CELSR1: variants seen among roughly 807,000 people sequenced by gnomAD.
The protein encoded by CELSR1 is adhesion G protein-coupled receptor C1.
A neutral mutation model predicts 249.1 loss-of-function variants in CELSR1; 110 were observed. The observed-to-expected ratio is 0.44, with a 90% confidence interval of 0.38 to 0.52. The LOEUF (loss-of-function observed/expected upper bound fraction) is 0.52. Among genes scored for constraint, CELSR1 ranks in the 20% least tolerant of loss-of-function variants. The probability of loss-of-function intolerance (pLI) is 0.00; values close to 1 mark genes in which losing one functional copy is unlikely to be tolerated. For missense variants in CELSR1, 4,109 were observed against 4,296.4 expected, an observed-to-expected ratio of 0.96 and a Z score of 1.22; for synonymous variants, 2,113 against 1,900.0, an observed-to-expected ratio of 1.11 and a Z score of -2.92.
At position 46,536,936 on chromosome 22, in the gene CELSR1, C is replaced by T; in HGVS notation, c.235G>A (p.Val79Ile). The change falls in exon 1 of 35, where the codon GTC (valine) becomes ATC (isoleucine). Residue 79 changes from valine to isoleucine, a missense_variant. By Grantham distance (29) the Val-to-Ile change is conservative. This residue lies in a region of CELSR1 where 673 missense variants were observed against 636.8 expected (regional missense o/e 1.06). Coordinates refer to ENST00000674500, the MANE Select transcript of CELSR1 (RefSeq NM_001378328.1). ...RDGRLAGRRR[V>I]SGAGRPLPLQ... ...GGCAGCGGGCGCCCCGCGCCCGAGA[C>T]GCGCCGACGTCCTGCCAGCCGCCCA... The T allele has an allele frequency of 8.6e-7, 1 of 1,163,498 alleles. No individual in the cohort carries two copies. The highest frequency in any genetic ancestry group is 1.1e-6 in the Non-Finnish European group (1 of 945,756). 72.1% of individuals were successfully genotyped at this position (1,163,498 alleles called of 1,614,324 possible). A position where few individuals can be genotyped will look rare whatever the true frequency, so the allele number is the denominator to read the frequency against.
intron 1 of CELSR1, among the ~76,000 whole-genome samples, chr22:46,487,661 T>TGCAGGTGGGAGGC (rs1569197626): frequency 8.0e-5 from 1 of 12,572 alleles, no homozygotes; most frequent in Non-Finnish European, 1.6e-4. Flanking sequence ...GAGTCCAGGG[T>TGCAGGTGGGAGGC]GCGGGGGAGG....
intron 17 of CELSR1, among the ~76,000 whole-genome samples, chr22:46,389,993 T>A (rs924744604): frequency 2.0e-4 from 31 of 152,012 alleles, no homozygotes; most frequent in African/African-American, 7.5e-4. Context: ...AAATGAGCAC[T>A]GCTGACAGCT....
At position 46,386,439 on chromosome 22, in the gene CELSR1, C is replaced by T. The variant is rs200019726; in HGVS notation, c.6702G>A (p.Thr2234=). ...TGACGATGACGAAGGGCCGCAGGTA[C>T]GTCCGCCGCACGTTGCGTGCCACGT... is the stretch of plus-strand genomic sequence containing the variant. ...FSNVARNVRR[T]YLRPFVIVTA... is the part of the protein sequence containing the mutation. The change falls in exon 19 of 35, where the codon ACG becomes ACA. Residue 2234 remains threonine, a synonymous_variant. Transcript: ENST00000674500. 3.7e-5 allele frequency: 59 copies of T among 1,594,994 alleles called. No individual in the cohort carries two copies. The highest frequency in any genetic ancestry group is 2.7e-4 in the East Asian group (12 of 44,130).
intron 5 of CELSR1, among the ~76,000 whole-genome samples, chr22:46,421,199 G>A (rs955585692): frequency 6.8e-6 from 1 of 147,684 alleles, no homozygotes; most frequent in Admixed American, 6.6e-5. Flanking sequence ...CCTCCCTGCC[G>A]AGGTGCTGGG....
Position 46,363,309 on chromosome 22 carries a change from G to A in CELSR1, c.9036-62C>T. On this transcript the variant is annotated intron_variant, in intron 34 of 34. Transcript: ENST00000674500. The surrounding 1 kb of genome is among the most constrained non-coding windows in gnomAD (Gnocchi z 4.3). The stretch of plus-strand genomic sequence containing the variant: ...TCAGTGAGGGTAGCGGCTTGGTGGG[G>A]CCCAAGGTTGTCACACGGGGGGGCA... 2.8e-6 allele frequency: 4 copies of A among 1,450,824 alleles called. No individual in the cohort carries two copies. The highest frequency in any genetic ancestry group is 3.8e-6 in the Non-Finnish European group (4 of 1,043,830). The allele number at this position is 1,450,824 out of a possible 1,614,324, so 89.9% of individuals were successfully genotyped here. A position where few individuals can be genotyped will look rare whatever the true frequency, so the allele number is the denominator to read the frequency against.
intron 14 of CELSR1, among the ~76,000 whole-genome samples, chr22:46,392,559 G>T (rs2079105230): frequency 6.7e-6 from 1 of 149,530 alleles, no homozygotes; most frequent in East Asian, 1.9e-4. Flanking sequence ...GTATAACTTT[G>T]TTTTTTTATT....
rs2078965606 is a variant in CELSR1 at position 46,380,474 on chromosome 22, G to GA, written c.7256+313_7256+314insT. 6.6e-6 allele frequency among the ~76,000 whole-genome samples: 1 copy of GA among 152,232 alleles called. No individual in the cohort carries two copies. The highest frequency in any genetic ancestry group is 2.4e-5 in the African/African-American group (1 of 41,466). On this transcript the variant is annotated intron_variant, in intron 22 of 34. Coordinates refer to ENST00000674500, the MANE Select transcript of CELSR1 (RefSeq NM_001378328.1). The surrounding 1 kb of genome is among the most constrained non-coding windows in gnomAD (Gnocchi z 5.1). ...ACTGGGCACTACACTAGTGTTGGCC[G>GA]CTGCATGTCGGGAGTCCCGCAGGTG...
At chr22:46,369,490 C>A (rs564918140) in intron 26 of CELSR1, among the ~76,000 whole-genome samples, 1 of 152,216 alleles carries the variant, frequency 6.6e-6, no homozygotes, top group Non-Finnish European at 1.5e-5. Context: ...TGGTCTCATG[C>A]GGACACGACG....
At chr22:46,499,088 G>A (rs2080442102) in intron 1 of CELSR1, among the ~76,000 whole-genome samples, 1 of 151,676 alleles carries the variant, frequency 6.6e-6, no homozygotes, top group African/African-American at 2.4e-5. Flanking sequence ...ACTGAGGCAG[G>A]AGAATTGCTT....
chr22:46,385,388 C>A (rs866181766), intron 19 of CELSR1, among the ~76,000 whole-genome samples: 4 of 152,236 alleles, frequency 2.6e-5, no homozygotes, highest in Admixed American at 6.5e-5. Context: ...AACTACCACG[C>A]CCAGCTGACT....
intron 2 of CELSR1, among the ~76,000 whole-genome samples, chr22:46,456,162 C>G (rs760513433): frequency 6.6e-6 from 1 of 152,258 alleles, no homozygotes; most frequent in Non-Finnish European, 1.5e-5. Flanking sequence ...ACTAGGAATA[C>G]TTGGAAGTGA....
In CELSR1 at chr22:46,399,702, C is replaced by A. The variant is rs373855382; in HGVS notation, c.5412+15G>T. The A allele has an allele frequency of 2.3e-5, 37 of 1,612,878 alleles. No homozygotes were observed. Among genetic ancestry groups the A allele is most frequent in the East Asian group, 2.2e-4 (10 of 44,876 alleles). On this transcript the variant is annotated intron_variant, in intron 10 of 34. Coordinates refer to ENST00000674500, the MANE Select transcript of CELSR1 (RefSeq NM_001378328.1). This position sits in a 1 kb window ranked among gnomAD's most constrained non-coding sequence, Gnocchi z 5.0. ...GAAGGGTCTATCCCCAGAGGAGGTG[C>A]AGGTGCCAGCTCACCTGGTCCATCC...
chr22:46,471,680 A>AGCCGCT lies in CELSR1; in HGVS notation c.3545-7341_3545-7336dup, dbSNP rs1156875114. 6.6e-6 allele frequency among the ~76,000 whole-genome samples: 1 copy of AGCCGCT among 152,140 alleles called. No individual in the cohort carries two copies. The highest frequency in any genetic ancestry group is 1.5e-5 in the Non-Finnish European group (1 of 68,034). ...CAAAGTGCTGGGATTCACGGGTGTG[A>AGCCGCT]GCCGCTGCCCCTGGCCTCAGCATTT... On this transcript the variant is annotated intron_variant, in intron 1 of 34. Coordinates refer to ENST00000674500, the MANE Select transcript of CELSR1 (RefSeq NM_001378328.1). This position sits in a 1 kb window ranked among gnomAD's most constrained non-coding sequence, Gnocchi z 4.9.
intron 1 of CELSR1, among the ~76,000 whole-genome samples, chr22:46,514,965 A>T (rs888836131): frequency 6.6e-6 from 1 of 152,062 alleles, no homozygotes; most frequent in Non-Finnish European, 1.5e-5. Flanking sequence ...TCCCCACAAA[A>T]GTGGCTCTGT....
chr22:46,505,047 G>A (rs965902843), intron 1 of CELSR1, among the ~76,000 whole-genome samples: 5 of 152,126 alleles, frequency 3.3e-5, no homozygotes. Context: ...CGGATCATGA[G>A]GTCAGGAGAT....
intron 2 of CELSR1, among the ~76,000 whole-genome samples, chr22:46,443,460 TC>T (rs1285746451): frequency 6.6e-6 from 1 of 152,112 alleles, no homozygotes; most frequent in Non-Finnish European, 1.5e-5. Context: ...TCATCCAGGC[TC>T]CCAGCACCCC....
rs2080852889 is a variant in CELSR1, at chr22:46,536,170, G to C, written c.1001C>G (p.Ser334Trp). 3 of 1,612,646 alleles carry C rather than the reference G, an allele frequency of 1.9e-6. No individual in the cohort carries two copies. Among genetic ancestry groups the C allele is most frequent in the African/African-American group, 2.7e-5 (2 of 74,936 alleles). Reference sequence around the variant, plus strand: ...CAAGACAGTGATGTAGGTGGTGGCCGAGCGCGGCGGCGTACTGTAGTCCAC... The same window carrying C: ...CAAGACAGTGATGTAGGTGGTGGCCCAGCGCGGCGGCGTACTGTAGTCCAC... ...KAVDYSTPPR[S>W]ATTYITVLVK... The change falls in exon 1 of 35, where the codon TCG becomes TGG. Residue 334 changes from serine to tryptophan, a missense_variant. By Grantham distance (177) the Ser-to-Trp change is radical. This residue lies in a region of CELSR1 where 673 missense variants were observed against 636.8 expected (regional missense o/e 1.06). Transcript: ENST00000674500.
At chr22:46,365,457 T>A in intron 31 of CELSR1, 77 bp from the exon 32 acceptor site, 1 of 1,578,590 alleles carries the variant, frequency 6.3e-7, no homozygotes, top group African/African-American at 1.3e-5. Flanking sequence ...GCAGAGCCAC[T>A]GGGCCCCTGG....
At chr22:46,369,585 C>A (rs2078827770) in intron 26 of CELSR1, 107 bp downstream of exon 26, 1 of 983,032 alleles carries the variant, frequency 1.0e-6, no homozygotes, top group Non-Finnish European at 1.5e-6. Context: ...CCTTCCTGCC[C>A]CCCGTCGGCT....
Sources: allele counts gnomAD v4.1 joint callset (sites outside exome capture counted in the v4.1 genomes callset), GRCh38; gene constraint gnomAD v4.1.1; regional missense constraint gnomAD v4.1.1; non-coding constraint Gnocchi (gnomAD v3.1); transcripts MANE v1.5; gene names NCBI Gene and HGNC (gene_info 2026-07-23, HGNC 2026-07-21).